Variants in WDR86 observed in about 807,000 individuals in gnomAD.
WDR86 encodes the protein WD repeat domain 86, also known as WD repeat-containing protein 86.
In WDR86, 30 loss-of-function variants were observed where a neutral mutation model predicts 36.5. The ratio of observed to expected loss-of-function variants is 0.82; its 90% CI spans 0.61 to 1.11. The LOEUF (loss-of-function observed/expected upper bound fraction) is 1.11. WDR86 is among the 50% of genes most tolerant of loss of function. The pLI, the probability that WDR86 is intolerant of heterozygous loss-of-function variation, is 0.00. For synonymous variants in WDR86, 255 were observed against 252.9 expected, an observed-to-expected ratio of 1.01 and a Z score of -0.08; for missense variants, 545 against 561.2, an observed-to-expected ratio of 0.97 and a Z score of 0.29.
rs1241944770 is a variant in WDR86, at chr7:151,381,193, C to T, written c.*389G>A. On this transcript the variant is annotated 3_prime_UTR_variant, in exon 6 of 6. Coordinates refer to ENST00000334493, the MANE Select transcript of WDR86 (RefSeq NM_198285.3). This position sits in a 1 kb window ranked among gnomAD's most constrained non-coding sequence, Gnocchi z 4.8. ...GAGACGGACGATTTGCCAAAATAAC[C>T]AGGTTCAGTGGCTTCTGTAAAAAGT... 8.0e-7 allele frequency: 1 copy of T among 1,253,728 alleles called. No individual in the cohort carries two copies. Among genetic ancestry groups the T allele is most frequent in the South Asian group, 3.5e-5 (1 of 28,652 alleles). 77.7% of individuals were successfully genotyped at this position (1,253,728 alleles called of 1,614,324 possible).
intron 2 of WDR86, among the ~76,000 whole-genome samples, chr7:151,399,046 G>A (rs1362936119): frequency 6.6e-6 from 1 of 152,182 alleles, no homozygotes; most frequent in African/African-American, 2.4e-5. Flanking sequence ...TGGGCTGCCT[G>A]GGCAGGTCTC....
At chr7:151,379,162 G>GCC (rs1310152980), downstream of WDR86, among the ~76,000 whole-genome samples, 2 of 152,204 alleles carry the variant, frequency 1.3e-5, no homozygotes, top group Non-Finnish European at 2.9e-5. Context: ...AGGACAGTCT[G>GCC]AGTGTGACAT....
chr7:151,409,143 G>T lies in WDR86; in HGVS notation c.163+284C>A, dbSNP rs1584805696. The stretch of plus-strand genomic sequence containing the variant: ...TGTCAAGGGAGATTTCCTGCCGCTG[G>T]TTGACAAATGATCTTCGCCTTTGTA... On this transcript the variant is annotated intron_variant, in intron 1 of 5. Transcript: ENST00000334493. This position sits in a 1 kb window ranked among gnomAD's most constrained non-coding sequence, Gnocchi z 5.2. The T allele has an allele frequency of 9.0e-6, 6 of 663,220 alleles. No homozygotes were observed. The East Asian group carries it at 1.7e-4, about 19-fold the overall frequency. 41.1% of individuals were successfully genotyped at this position (663,220 alleles called of 1,614,324 possible). A position where few individuals can be genotyped will look rare whatever the true frequency, so the allele number is the denominator to read the frequency against.
rs1347237545 is a variant in WDR86 at position 151,398,106 on chromosome 7, G to A, written c.306-1910C>T. Among the ~76,000 whole-genome samples the A allele has an allele frequency of 2.6e-5, 4 of 152,342 alleles. No homozygotes were observed. The East Asian group carries it at 7.7e-4, about 29-fold the overall frequency. ...GTGTGTGTGTTTGTATATGTTGTGA[G>A]CACATGTGAACATGTGTGCATATGT... On this transcript the variant is annotated intron_variant, in intron 2 of 5. Coordinates refer to ENST00000334493, the MANE Select transcript of WDR86 (RefSeq NM_198285.3).
chr7:151,374,402 C>A, downstream of WDR86: 1 of 1,011,024 alleles, frequency 9.9e-7, no homozygotes. Flanking sequence ...AGCCCAGACA[C>A]AGGCTGCGTG....
At chr7:151,389,056 C>T (rs1259058408) in intron 3 of WDR86, among the ~76,000 whole-genome samples, 1 of 151,570 alleles carries the variant, frequency 6.6e-6, no homozygotes, top group Non-Finnish European at 1.5e-5. Context: ...GTGAGAAATA[C>T]ATTTCTATTA....
At position 151,400,246 on chromosome 7, in the gene WDR86, AGAT is replaced by A; in HGVS notation, c.164-8_164-6del. 1 of 1,599,744 alleles carries A rather than the reference AGAT, an allele frequency of 6.3e-7. No individual in the cohort carries two copies. On this transcript the variant is annotated splice_polypyrimidine_tract_variant and splice_region_variant and intron_variant, in intron 1 of 5. Coordinates refer to ENST00000334493, the MANE Select transcript of WDR86 (RefSeq NM_198285.3). ...AGGTCACATAGCTTTCATGTCCTGCAGATGAGGGACAGGGGAGATGTGAGCGTA... is the reference window on the plus strand; with the variant it reads ...AGGTCACATAGCTTTCATGTCCTGCAGAGGGACAGGGGAGATGTGAGCGTA...
chr7:151,385,541 G>GGT (rs1466142676), intron 3 of WDR86, among the ~76,000 whole-genome samples: 1 of 152,208 alleles, frequency 6.6e-6, no homozygotes, highest in Non-Finnish European at 1.5e-5. Context: ...CTTCCTCGAG[G>GGT]GTGTGTGTGG....
chr7:151,381,373 G>C lies in WDR86; in HGVS notation c.*209C>G. The C allele has an allele frequency of 7.6e-6, 11 of 1,442,082 alleles. No homozygotes were observed. The highest frequency in any genetic ancestry group is 9.0e-6 in the Non-Finnish European group (10 of 1,108,032). The allele number at this position is 1,442,082 out of a possible 1,614,324, so 89.3% of individuals were successfully genotyped here. ...CAGGAGCCACCCTAAAAGGGAAAAG[G>C]GGGCGGTCCCCAGGGCGAGCACTCC... On this transcript the variant is annotated 3_prime_UTR_variant, in exon 6 of 6. Transcript: ENST00000334493. The surrounding 1 kb of genome is among the most constrained non-coding windows in gnomAD (Gnocchi z 4.8).
In WDR86 at chr7:151,405,554, C is replaced by T. The variant is rs911963393; in HGVS notation, c.163+3873G>A. On this transcript the variant is annotated intron_variant, in intron 1 of 5. Coordinates refer to ENST00000334493, the MANE Select transcript of WDR86 (RefSeq NM_198285.3). This position sits in a 1 kb window ranked among gnomAD's most constrained non-coding sequence, Gnocchi z 4.7. Reference sequence around the variant, plus strand: ...CATCTGGGCCCAGAAGCACCAACAGCGTGGCTGGAATGGACACTGACGTGG... The same window carrying T: ...CATCTGGGCCCAGAAGCACCAACAGTGTGGCTGGAATGGACACTGACGTGG... Among the ~76,000 whole-genome samples the T allele has an allele frequency of 2.0e-5, 3 of 152,206 alleles. No homozygotes were observed. The highest frequency in any genetic ancestry group is 4.8e-5 in the African/African-American group (2 of 41,450).
In WDR86 at chr7:151,405,242, G is replaced by A. The variant is rs982634680; in HGVS notation, c.163+4185C>T. 1.4e-5 allele frequency among the ~76,000 whole-genome samples: 2 copies of A among 142,530 alleles called. No homozygotes were observed. The highest frequency in any genetic ancestry group is 1.9e-4 in the East Asian group (1 of 5,164). The allele number at this position is 142,530 out of a possible 152,430, so 93.5% of individuals were successfully genotyped here. The stretch of plus-strand genomic sequence containing the variant: ...CCGTGGGTTCCGACAAGTGGGAGCC[G>A]CAGCTGGAGACTCTAGGTCAGGATA... On this transcript the variant is annotated intron_variant, in intron 1 of 5. Transcript: ENST00000334493. This position sits in a 1 kb window ranked among gnomAD's most constrained non-coding sequence, Gnocchi z 4.7.
chr7:151,398,048 C>A (rs1368396224), intron 2 of WDR86, among the ~76,000 whole-genome samples: 1 of 152,156 alleles, frequency 6.6e-6, no homozygotes, highest in African/African-American at 2.4e-5. Context: ...CTACACAGAG[C>A]TATGGGTTTG....
rs75726738 is a variant in WDR86 at position 151,394,874 on chromosome 7, C to T, written c.726+902G>A. On this transcript the variant is annotated intron_variant, in intron 3 of 5. Coordinates refer to ENST00000334493, the MANE Select transcript of WDR86 (RefSeq NM_198285.3). Reference sequence around the variant, plus strand: ...CCCCCAGGCACCGGGATGTTCGAAGCACACACAGTCACATGTCTCTTCAGG... The same window carrying T: ...CCCCCAGGCACCGGGATGTTCGAAGTACACACAGTCACATGTCTCTTCAGG... Among the ~76,000 whole-genome samples the T allele has an allele frequency of 6.2e-3, 939 of 152,354 alleles. 9 individuals carry two copies. Among genetic ancestry groups the T allele is most frequent in the African/African-American group, 0.021 (865 of 41,584 alleles).
intron 3 of WDR86, among the ~76,000 whole-genome samples, chr7:151,394,172 G>A (rs11970845): frequency 0.064 from 9,709 of 152,194 alleles, 680 homozygotes; most frequent in African/African-American, 0.17. Context: ...TTGCTGATTT[G>A]CTTCTTTGTC....
At chr7:151,408,846 G>C in intron 1 of WDR86, 1 of 462,928 alleles carries the variant, frequency 2.2e-6, no homozygotes, top group South Asian at 1.6e-5. Flanking sequence ...GGCTCAGACT[G>C]CCATCTACCC....
chr7:151,395,444 TA>T (rs1388232333), intron 3 of WDR86, among the ~76,000 whole-genome samples: 5 of 151,190 alleles, frequency 3.3e-5, no homozygotes, highest in African/African-American at 4.9e-5. Context: ...AATGAGTTCA[TA>T]GGGGGGCCCT....
chr7:151,402,091 A>ATATATATATATATC (rs1365492180), intron 1 of WDR86, among the ~76,000 whole-genome samples: 8 of 124,188 alleles, frequency 6.4e-5, no homozygotes, highest in Non-Finnish European at 1.2e-4. Context: ...ATATATATAT[A>ATATATATATATATC]TCTCCACAAA....
chr7:151,369,379 G>A, the WDR86 span, among the ~76,000 whole-genome samples: 1 of 152,110 alleles, frequency 6.6e-6, no homozygotes, highest in Non-Finnish European at 1.5e-5. Context: ...CTGCTGTGGT[G>A]GCAAACGGTC....
At chr7:151,376,035 A>C (rs149764438) in exon 2 of WDR86, 3 of 817,584 alleles carry the variant, frequency 3.7e-6, no homozygotes, top group Non-Finnish European at 6.4e-6. Flanking sequence ...GGACTGGGGG[A>C]GTCCGTGCTG....
Sources: gnomAD v4.1 joint callset for allele counts (sites outside exome capture counted in the v4.1 genomes callset) on GRCh38, gnomAD v4.1.1 for gene constraint, Gnocchi (gnomAD v3.1) non-coding constraint, MANE v1.5 for transcripts, NCBI Gene and HGNC (gene_info 2026-07-23, HGNC 2026-07-21) for gene names.